The following PCDHGA3 variants were observed in gnomAD, a reference collection of about 807,000 sequenced individuals.
The protein encoded by PCDHGA3 is protocadherin gamma subfamily A, 3.
A neutral mutation model predicts 58.5 loss-of-function variants in PCDHGA3; 40 were observed. The observed-to-expected ratio is 0.68, with a 90% CI of 0.53 to 0.89. The LOEUF (loss-of-function observed/expected upper bound fraction) is 0.89, where lower values mean the gene tolerates loss of function less well. Among genes scored for constraint, PCDHGA3 ranks in the 40% least tolerant of loss-of-function variants. The probability of loss-of-function intolerance (pLI) is 0.00; values close to 1 mark genes in which losing one functional copy is unlikely to be tolerated. For synonymous variants in PCDHGA3, 530 were observed against 525.7 expected (o/e 1.01, Z -0.11); for missense variants, 1,223 against 1,195.9 (o/e 1.02, Z -0.33).
intron 2 of PCDHGA3, among the ~76,000 whole-genome samples, chr5:141,497,158 T>A (rs2099774560): frequency 6.6e-6 from 1 of 151,860 alleles, no homozygotes; most frequent in African/African-American, 2.4e-5. Flanking sequence ...AAAAATAATC[T>A]AGCCACAAAT....
Position 141,489,730 on chromosome 5 carries a change from A to G in PCDHGA3, c.2425-5077A>G. The stretch of plus-strand genomic sequence containing the variant: ...CAGTGCCCAGGATCCGGATGTGGGC[A>G]CCAATACTGTGAGCTTTTACACTCT... On this transcript the variant is annotated intron_variant, in intron 1 of 3. Coordinates refer to ENST00000253812, the MANE Select transcript of PCDHGA3 (RefSeq NM_018916.4). This position sits in a 1 kb window ranked among gnomAD's most constrained non-coding sequence, Gnocchi z 4.5. 6.2e-7 allele frequency: 1 copy of G among 1,614,182 alleles called. No homozygotes were observed. Among genetic ancestry groups the G allele is most frequent in the Non-Finnish European group, 8.5e-7 (1 of 1,180,020 alleles).
At chr5:141,456,860 G>A (rs1345260160) in intron 1 of PCDHGA3, among the ~76,000 whole-genome samples, 1 of 152,170 alleles carries the variant, frequency 6.6e-6, no homozygotes, top group African/African-American at 2.4e-5. Flanking sequence ...CTAATTGGGA[G>A]GCTGAGGCAG....
At chr5:141,364,558 C>T in intron 1 of PCDHGA3, 1 of 1,614,026 alleles carries the variant, frequency 6.2e-7, no homozygotes, top group Non-Finnish European at 8.5e-7. Flanking sequence ...AGCTTTTTGC[C>T]CTGAACCCGC....
chr5:141,376,545 A>T, intron 1 of PCDHGA3: 2 of 1,612,680 alleles, frequency 1.2e-6, no homozygotes, highest in Non-Finnish European at 8.5e-7. Flanking sequence ...GAGTAATCTG[A>T]TCTTCCCGCA....
chr5:141,362,619 G>A, intron 1 of PCDHGA3: 1 of 1,526,806 alleles, frequency 6.5e-7, no homozygotes, highest in Non-Finnish European at 8.8e-7. Flanking sequence ...TGGGTAGGAA[G>A]TTCCACTGCG....
rs1384790784 is a variant in PCDHGA3, at chr5:141,431,800, G to T, written c.2425-63007G>T. 1 of 1,614,206 alleles carries T rather than the reference G, an allele frequency of 6.2e-7. No individual in the cohort carries two copies. Among genetic ancestry groups the T allele is most frequent in the African/African-American group, 1.3e-5 (1 of 75,054 alleles). ...ACGTGAACGACAATGCCCCAGAAGT[G>T]GTCCTCACCTCTCTCGCCAGCTCGG... On this transcript the variant is annotated intron_variant, in intron 1 of 3. Transcript: ENST00000253812. This position sits in a 1 kb window ranked among gnomAD's most constrained non-coding sequence, Gnocchi z 4.8.
At chr5:141,450,033 G>T (rs1377962229) in intron 1 of PCDHGA3, among the ~76,000 whole-genome samples, 2 of 131,450 alleles carry the variant, frequency 1.5e-5, no homozygotes, top group Admixed American at 8.4e-5. Flanking sequence ...TTGAGACAGG[G>T]TCTCACTCTT....
chr5:141,428,106 C>T, intron 1 of PCDHGA3: 1 of 1,608,152 alleles, frequency 6.2e-7, no homozygotes. Context: ...CCACGTGCTG[C>T]AGGCCATCGA....
chr5:141,417,023 T>C (rs2096074487), intron 1 of PCDHGA3: 1 of 139,106 alleles, frequency 7.2e-6, no homozygotes, highest in South Asian at 2.3e-4. Flanking sequence ...TTTTGAAAAA[T>C]ACAGGTTTTT....
At position 141,352,118 on chromosome 5, in the gene PCDHGA3, G is replaced by A. The variant is rs757676331; in HGVS notation, c.2424+5661G>A. The stretch of plus-strand genomic sequence containing the variant: ...GCTCTTCAGCCTGGGGTTGCGCACG[G>A]GTGAGGTGCGCACAGCGCGTGCCTT... On this transcript the variant is annotated intron_variant, in intron 1 of 3. Coordinates refer to ENST00000253812, the MANE Select transcript of PCDHGA3 (RefSeq NM_018916.4). The A allele has an allele frequency of 1.3e-5, 21 of 1,609,076 alleles. No individual in the cohort carries two copies. The East Asian group carries it at 3.8e-4, about 29-fold the overall frequency.
At chr5:141,374,020 G>T in intron 1 of PCDHGA3, 1 of 1,408,826 alleles carries the variant, frequency 7.1e-7, no homozygotes, top group Non-Finnish European at 9.3e-7. Context: ...TCTGAGAAGA[G>T]CAAAAGTGAT....
intron 3 of PCDHGA3, among the ~76,000 whole-genome samples, chr5:141,505,861 C>A (rs115699706): frequency 0.034 from 5,102 of 152,242 alleles, 131 homozygotes; most frequent in Admixed American, 0.057. Flanking sequence ...GGGACAGGGA[C>A]CCCAAAGGGT....
In PCDHGA3 at chr5:141,405,069, C is replaced by T. The variant is rs200974828; in HGVS notation, c.2424+58612C>T. On this transcript the variant is annotated intron_variant, in intron 1 of 3. Coordinates refer to ENST00000253812, the MANE Select transcript of PCDHGA3 (RefSeq NM_018916.4). ...GCAGTCGTCTCCTGTGTCTTCCTCA[C>T]CTTCGTTATCACGCTGCTGGCCCTC... is the stretch of plus-strand genomic sequence containing the variant. 1.3e-4 allele frequency: 215 copies of T among 1,613,758 alleles called. No individual in the cohort carries two copies. The highest frequency in any genetic ancestry group is 1.7e-4 in the Non-Finnish European group (203 of 1,179,762).
At chr5:141,470,182 G>A (rs540599468) in intron 1 of PCDHGA3, among the ~76,000 whole-genome samples, 1 of 152,262 alleles carries the variant, frequency 6.6e-6, no homozygotes, top group Non-Finnish European at 1.5e-5. Context: ...AAATATTCAA[G>A]TAAACTTCAG....
At chr5:141,410,665 G>C (rs372651223) in intron 1 of PCDHGA3, 9 of 1,569,394 alleles carry the variant, frequency 5.7e-6, no homozygotes, top group Non-Finnish European at 7.7e-6. Flanking sequence ...TAGTCTACTA[G>C]TTTCTCATAT....
At chr5:141,483,955 G>A (rs1244162791) in intron 1 of PCDHGA3, among the ~76,000 whole-genome samples, 1 of 144,218 alleles carries the variant, frequency 6.9e-6, no homozygotes, top group African/African-American at 2.6e-5. Flanking sequence ...ATTGTGTTGT[G>A]TTTCTGTGCT....
intron 1 of PCDHGA3, chr5:141,408,303 G>T: frequency 1.2e-6 from 2 of 1,613,794 alleles, no homozygotes; most frequent in South Asian, 1.1e-5. Context: ...GAGCCGATCC[G>T]CTACTCGATT....
At chr5:141,376,255 G>A (rs1380740739) in intron 1 of PCDHGA3, 6 of 1,614,256 alleles carry the variant, frequency 3.7e-6, no homozygotes, top group Non-Finnish European at 3.4e-6. Context: ...AGTCACGCCT[G>A]CTGCAGGCTT....
At chr5:141,451,238 T>A (rs1167769789) in intron 1 of PCDHGA3, among the ~76,000 whole-genome samples, 6 of 152,214 alleles carry the variant, frequency 3.9e-5, no homozygotes, top group African/African-American at 1.4e-4. Context: ...TATTATCTCA[T>A]AAATTTTGTG....
Sources: allele counts gnomAD v4.1 joint callset (sites outside exome capture counted in the v4.1 genomes callset), GRCh38; gene constraint gnomAD v4.1.1; non-coding constraint Gnocchi (gnomAD v3.1); transcripts MANE v1.5; gene names NCBI Gene and HGNC (gene_info 2026-07-23, HGNC 2026-07-21).